COL4A5: variants seen among roughly 807,000 people sequenced by gnomAD.
COL4A5 encodes the protein collagen type IV alpha 5 chain.
A neutral mutation model predicts 130.2 loss-of-function variants in COL4A5; 26 were observed. That is an observed-to-expected ratio of 0.20 (90% CI 0.15 to 0.28). The LOEUF (loss-of-function observed/expected upper bound fraction) is 0.28, where lower values mean the gene tolerates loss of function less well. Ranked by LOEUF, COL4A5 falls within the 10% of genes least tolerant of loss-of-function variation. The pLI, the probability that COL4A5 is intolerant of heterozygous loss-of-function variation, is 1.00. For synonymous variants in COL4A5, 496 were observed against 439.6 expected (o/e 1.13, Z -1.60); for missense variants, 1,131 against 1,344.3 (o/e 0.84, Z 2.48).
At chrX:108,695,130 T>G (rs1603328297) in intron 51 of COL4A5, 137 bp from the exon 52 acceptor site, 2 of 816,440 alleles carry the variant, frequency 2.4e-6, no homozygotes, top group East Asian at 6.3e-5. Flanking sequence ...ACCCTTGGTG[T>G]GGATACTATT....
intron 1 of COL4A5, among the ~76,000 whole-genome samples, chrX:108,445,843 C>T (rs181239060): frequency 9.0e-6 from 1 of 111,436 alleles, no homozygotes; most frequent in East Asian, 2.8e-4. Context: ...AAAATATGTC[C>T]ACAGTTCTAC....
At chrX:108,528,845 T>G (rs769465368) in intron 1 of COL4A5, among the ~76,000 whole-genome samples, 1 of 112,168 alleles carries the variant, frequency 8.9e-6, no homozygotes, top group African/African-American at 3.2e-5. Flanking sequence ...TCTTAAAAAT[T>G]ATTGTTAGCC....
At chrX:108,627,062 C>A (rs1226521450) in intron 36 of COL4A5, 1 of 658,029 alleles carries the variant, frequency 1.5e-6, no homozygotes, top group Non-Finnish European at 1.8e-6. Context: ...GATAATTTTT[C>A]TTTTAATATT....
At chrX:108,547,517 C>T (rs925309939) in intron 2 of COL4A5, among the ~76,000 whole-genome samples, 1 of 111,893 alleles carries the variant, frequency 8.9e-6, no homozygotes, top group African/African-American at 3.3e-5. Context: ...CAGTCTGCCC[C>T]TACTGGGGGT....
At chrX:108,532,458 C>T (rs2065397469) in intron 1 of COL4A5, among the ~76,000 whole-genome samples, 1 of 111,624 alleles carries the variant, frequency 9.0e-6, no homozygotes, top group Admixed American at 9.5e-5. Flanking sequence ...TACTTCAAAT[C>T]CACTGCAAAC....
intron 35 of COL4A5, 61 bp downstream of exon 35, chrX:108,625,855 T>A (rs2067143912): frequency 1.7e-5 from 15 of 862,286 alleles, no homozygotes; most frequent in Admixed American, 2.3e-5. Flanking sequence ...TCAATATCTC[T>A]TTTTTTGTCA....
chrX:108,592,101 G>C (rs1007616244), intron 21 of COL4A5, among the ~76,000 whole-genome samples: 8 of 111,455 alleles, frequency 7.2e-5, no homozygotes, highest in African/African-American at 2.6e-4. Context: ...CTCTTTTCAA[G>C]TTTTAACAGT....
chrX:108,489,221 TTAAATGTGTTGACTGATTCA>T (rs1280271539), intron 1 of COL4A5, among the ~76,000 whole-genome samples: 3 of 112,064 alleles, frequency 2.7e-5, no homozygotes, highest in Admixed American at 1.9e-4. Flanking sequence ...CAGTGTATAT[TTAAATGTGTTGACTGATTCA>T]TAAATGGCCC....
intron 36 of COL4A5, among the ~76,000 whole-genome samples, chrX:108,645,605 G>C: frequency 9.3e-6 from 1 of 107,455 alleles, no homozygotes; most frequent in South Asian, 4.2e-4. Flanking sequence ...TATACTTTAA[G>C]CTTTAGGGTA....
At chrX:108,512,998 T>C (rs2065192615) in intron 1 of COL4A5, among the ~76,000 whole-genome samples, 1 of 111,406 alleles carries the variant, frequency 9.0e-6, no homozygotes, top group African/African-American at 3.3e-5. Flanking sequence ...CCCTCAGGGG[T>C]GCATTCACCA....
chrX:108,527,702 G>A (rs1181673200), intron 1 of COL4A5, among the ~76,000 whole-genome samples: 1 of 111,581 alleles, frequency 9.0e-6, no homozygotes, highest in African/African-American at 3.3e-5. Flanking sequence ...ACAAGCCGCA[G>A]AGCCGAGCTT....
At chrX:108,650,669 A>G (rs2067706493) in intron 36 of COL4A5, among the ~76,000 whole-genome samples, 2 of 111,047 alleles carry the variant, frequency 1.8e-5, no homozygotes, top group South Asian at 7.7e-4. Flanking sequence ...AAGTGAAGTA[A>G]CTCAGGAATG....
At chrX:108,581,094 G>A (rs776614562) in intron 16 of COL4A5, 67 bp downstream of exon 16, 1 of 963,012 alleles carries the variant, frequency 1.0e-6, no homozygotes, top group African/African-American at 1.9e-5. Context: ...AACATAAGGT[G>A]GCAGAGAAGC....
In COL4A5 at chrX:108,631,596, G is replaced by A. The variant is rs190163520; in HGVS notation, c.3246+5247G>A. On this transcript the variant is annotated intron_variant, in intron 36 of 52. Coordinates refer to ENST00000328300, the MANE Select transcript of COL4A5 (RefSeq NM_033380.3). Reference sequence around the variant, plus strand: ...ATAGTTGGAAGTAAAGCACTCCTCAGCAAATGTAAAAGAACAGAAATCATA... The same window carrying A: ...ATAGTTGGAAGTAAAGCACTCCTCAACAAATGTAAAAGAACAGAAATCATA... 1.1e-4 allele frequency among the ~76,000 whole-genome samples: 12 copies of A among 111,043 alleles called. 1 individual carries two copies. In the Admixed American group the frequency reaches 1.2e-3, roughly 11 times the overall value.
chrX:108,534,392 A>G (rs1312397168), intron 1 of COL4A5, among the ~76,000 whole-genome samples: 1 of 112,118 alleles, frequency 8.9e-6, no homozygotes, highest in Non-Finnish European at 1.9e-5. Flanking sequence ...ACAGAATGGA[A>G]TACTACTTAG....
intron 37 of COL4A5, among the ~76,000 whole-genome samples, chrX:108,658,206 AGAT>A (rs1252564328): frequency 1.8e-5 from 2 of 111,589 alleles, no homozygotes; most frequent in Non-Finnish European, 3.8e-5. Context: ...GAATCTACAG[AGAT>A]GATAATTGTT....
chrX:108,650,651 A>G (rs1028327711), intron 36 of COL4A5, among the ~76,000 whole-genome samples: 24 of 111,017 alleles, frequency 2.2e-4, no homozygotes, highest in African/African-American at 7.9e-4. Context: ...ATTGGAGACT[A>G]TTATTCTAAG....
chrX:108,611,730 A>C (rs1253596364), intron 29 of COL4A5, among the ~76,000 whole-genome samples: 2 of 110,963 alleles, frequency 1.8e-5, no homozygotes, highest in Non-Finnish European at 3.8e-5. Flanking sequence ...CATTTAAAGA[A>C]GCAGTAACAC....
chrX:108,513,786 AAG>A (rs1428248646), intron 1 of COL4A5, among the ~76,000 whole-genome samples: 1 of 95,327 alleles, frequency 1.0e-5, no homozygotes, highest in East Asian at 3.2e-4. Context: ...GCTTAATCTC[AAG>A]TCATGTTTTG....
Sources: allele counts gnomAD v4.1 joint callset (sites outside exome capture counted in the v4.1 genomes callset), GRCh38; gene constraint gnomAD v4.1.1; transcripts MANE v1.5; gene names NCBI Gene and HGNC (gene_info 2026-07-23, HGNC 2026-07-21).